Variants in DNAJC11 observed in about 807,000 individuals in gnomAD.
DNAJC11 encodes dnaJ homolog subfamily C member 11.
Under a neutral mutation model 78.6 loss-of-function variants are expected in DNAJC11, and 15 were observed. That is an observed-to-expected ratio of 0.19 (90% CI 0.13 to 0.29). The LOEUF is 0.29. Among genes scored for constraint, DNAJC11 ranks in the 10% least tolerant of loss-of-function variants. The pLI, the probability that DNAJC11 is intolerant of heterozygous loss-of-function variation, is 1.00. For missense variants in DNAJC11, 547 were observed against 709.6 expected (o/e 0.77, Z 2.60); for synonymous variants, 292 against 272.1 (o/e 1.07, Z -0.72).
chr1:6,666,385 C>CTTTTTTTTTTTTTTTTTTTTTTTT (rs767579276), intron 4 of DNAJC11, among the ~76,000 whole-genome samples: 1 of 120,608 alleles, frequency 8.3e-6, no homozygotes, highest in African/African-American at 3.1e-5. Context: ...TCTTTCTTTT[C>CTTTTTTTTTTTTTTTTTTTTTTTT]TTTTTTTTTT....
At position 6,662,596 on chromosome 1, in the gene DNAJC11, TACCAA is replaced by T. The variant is rs1557476890; in HGVS notation, c.378+5108_378+5112del. Among the ~76,000 whole-genome samples, 5 of 152,256 alleles carry T rather than the reference TACCAA, an allele frequency of 3.3e-5. No individual in the cohort carries two copies. The East Asian group carries it at 9.6e-4, about 29-fold the overall frequency. ...CTCTGTCGCTAGAGGGTTGTAAATGTACCAATCAGCACTCTGTAAAAACGCACCAA... is the reference window on the plus strand; with the variant it reads ...CTCTGTCGCTAGAGGGTTGTAAATGTTCAGCACTCTGTAAAAACGCACCAA... On this transcript the variant is annotated intron_variant, in intron 4 of 15. Coordinates refer to ENST00000377577, the MANE Select transcript of DNAJC11 (RefSeq NM_018198.4).
chr1:6,637,554 A>G, intron 12 of DNAJC11, 50 bp from the exon 13 acceptor site: 1 of 1,606,772 alleles, frequency 6.2e-7, no homozygotes, highest in Non-Finnish European at 8.5e-7. Flanking sequence ...GGCCTGTTCC[A>G]CCTCTGGTGA....
rs2272936 is a variant in DNAJC11 at position 6,635,917 on chromosome 1, C to T, written c.1654+200G>A. Among the ~76,000 whole-genome samples the T allele has an allele frequency of 2.3e-4, 35 of 152,344 alleles. No individual in the cohort carries two copies. The East Asian group carries it at 5.2e-3, about 23-fold the overall frequency. ...TTCCAACGCGCTCACTCTAATTCTA[C>T]CTGTGAAAGGGCCCCAGCCCCCCTT... On this transcript the variant is annotated intron_variant, in intron 15 of 15. Coordinates refer to ENST00000377577, the MANE Select transcript of DNAJC11 (RefSeq NM_018198.4).
intron 4 of DNAJC11, among the ~76,000 whole-genome samples, chr1:6,655,817 G>C (rs1229043781): frequency 6.8e-6 from 1 of 148,126 alleles, no homozygotes; most frequent in East Asian, 2.0e-4. Flanking sequence ...TCAAAAACAA[G>C]AACAGGCCGG....
chr1:6,648,048 A>G (rs1641994391), intron 7 of DNAJC11, among the ~76,000 whole-genome samples: 1 of 152,200 alleles, frequency 6.6e-6, no homozygotes, highest in South Asian at 2.1e-4. Context: ...AACGGCCAAA[A>G]GATTTTGCTT....
chr1:6,684,649 C>T (rs12126058), intron 1 of DNAJC11, among the ~76,000 whole-genome samples: 41,536 of 151,996 alleles, frequency 0.27, 6,325 homozygotes, highest in South Asian at 0.47. Flanking sequence ...TAGATTGGTC[C>T]TTTCATTAAA....
rs984387304 is a variant in DNAJC11, at chr1:6,701,543, G to A, written c.72+186C>T. ...GGCGGAGGCTGGCCCCGGAACCCCC[G>A]GCGGGAGGGTCTGGGCGGTGGGGAC... On this transcript the variant is annotated intron_variant, in intron 1 of 15. Coordinates refer to ENST00000377577, the MANE Select transcript of DNAJC11 (RefSeq NM_018198.4). Among the ~76,000 whole-genome samples, 50 of 152,122 alleles carry A rather than the reference G, an allele frequency of 3.3e-4. 1 individual carries two copies. The highest frequency in any genetic ancestry group is 1.2e-3 in the African/African-American group (48 of 41,442).
chr1:6,675,752 T>C (rs1174227940), intron 3 of DNAJC11, among the ~76,000 whole-genome samples: 1 of 152,086 alleles, frequency 6.6e-6, no homozygotes, highest in Non-Finnish European at 1.5e-5. Context: ...CCATTTTGCG[T>C]GTGGATTTGC....
rs749444041 is a variant in DNAJC11, at chr1:6,656,100, T to TA, written c.379-2062dup. On this transcript the variant is annotated intron_variant, in intron 4 of 15. Coordinates refer to ENST00000377577, the MANE Select transcript of DNAJC11 (RefSeq NM_018198.4). ...CTGGGCAACAGAACAAGACTCCGTC[T>TA]AAAAAAAAAAAAAAAAAAAAAATTA... 2.6e-3 allele frequency among the ~76,000 whole-genome samples: 230 copies of TA among 88,850 alleles called. 1 individual carries two copies. Among genetic ancestry groups the TA allele is most frequent in the African/African-American group, 3.9e-3 (91 of 23,458 alleles). 58.3% of individuals were successfully genotyped at this position (88,850 alleles called of 152,430 possible). A position where few individuals can be genotyped will look rare whatever the true frequency, so the allele number is the denominator to read the frequency against.
In DNAJC11 at chr1:6,701,751, G is replaced by A. The variant is rs1184039873; in HGVS notation, c.50C>T (p.Ser17Leu). Residue 17 changes from serine to leucine, a missense_variant, in exon 1 of 16, where the codon TCG becomes TTG. By Grantham distance (145) the Ser-to-Leu change is moderately radical. Transcript: ENST00000377577. ...EEELDNEDYY[S>L]LLNVRREASS... The stretch of plus-strand genomic sequence containing the variant: ...CACCTCCCTGCGCACGTTCAGCAAC[G>A]AGTAATAGTCTTCATTGTCCAGCTC... The A allele has an allele frequency of 1.9e-6, 3 of 1,566,476 alleles. No homozygotes were observed. The highest frequency in any genetic ancestry group is 2.6e-6 in the Non-Finnish European group (3 of 1,158,712).
chr1:6,645,782 G>A lies in DNAJC11; in HGVS notation c.894+7C>T, dbSNP rs767819429. On this transcript the variant is annotated splice_region_variant and intron_variant, in intron 8 of 15. Transcript: ENST00000377577. The surrounding 1 kb of genome is among the most constrained non-coding windows in gnomAD (Gnocchi z 4.1). ...TGTCTGCAGGAGATGATGGCTGCTC[G>A]GCTCACCTGCAGGGCCACAGTGAAG... is the stretch of plus-strand genomic sequence containing the variant. 1.7e-5 allele frequency: 28 copies of A among 1,612,754 alleles called. No homozygotes were observed. Among genetic ancestry groups the A allele is most frequent in the South Asian group, 2.2e-5 (2 of 91,026 alleles).
chr1:6,634,760 C>G lies in DNAJC11; in HGVS notation c.*915G>C. 4 of 1,337,220 alleles carry G rather than the reference C, an allele frequency of 3.0e-6. No individual in the cohort carries two copies. Among genetic ancestry groups the G allele is most frequent in the Non-Finnish European group, 4.0e-6 (4 of 1,006,478 alleles). 82.8% of individuals were successfully genotyped at this position (1,337,220 alleles called of 1,614,324 possible). On this transcript the variant is annotated 3_prime_UTR_variant, in exon 16 of 16. Coordinates refer to ENST00000377577, the MANE Select transcript of DNAJC11 (RefSeq NM_018198.4). ...TGTTCCTGTGAGGACGCTGGACCTG[C>G]AGGAGCGGGGAGCTGCAGTGCCACC... is the stretch of plus-strand genomic sequence containing the variant.
chr1:6,641,474 TAGTA>T (rs140703234), intron 10 of DNAJC11, among the ~76,000 whole-genome samples: 47,576 of 145,762 alleles, frequency 0.33, 7,996 homozygotes, highest in South Asian at 0.48. Flanking sequence ...AAAAAATAAA[TAGTA>T]AGCATAAGAA....
In DNAJC11 at chr1:6,644,320, G is replaced by T. The variant is rs550009565; in HGVS notation, c.1097+238C>A. 2.6e-5 allele frequency among the ~76,000 whole-genome samples: 4 copies of T among 152,296 alleles called. No individual in the cohort carries two copies. The East Asian group carries it at 5.8e-4, about 22-fold the overall frequency. Reference sequence around the variant, plus strand: ...GGCTAATTTTTGTATTTTCAGTAGAGATGGGGTTTCACCACGTTGGCCAGG... The same window carrying T: ...GGCTAATTTTTGTATTTTCAGTAGATATGGGGTTTCACCACGTTGGCCAGG... On this transcript the variant is annotated intron_variant, in intron 10 of 15. Coordinates refer to ENST00000377577, the MANE Select transcript of DNAJC11 (RefSeq NM_018198.4).
At position 6,636,142 on chromosome 1, in the gene DNAJC11, A is replaced by G. The variant is rs1641763417; in HGVS notation, c.1629T>C (p.Ser543=). Residue 543 remains serine (S), a synonymous_variant, in exon 15 of 16, where the codon AGT becomes AGC. Transcript: ENST00000377577. The stretch of plus-strand genomic sequence containing the variant: ...ACTGCTTTGGTATCCGGAGGGCCTC[A>G]CTGTCCAGCACCATCACCTGATGCA... ...GVLHQVMVLD[S]EALRIPKQSH... is the part of the protein sequence containing the mutation. 6.2e-7 allele frequency: 1 copy of G among 1,614,076 alleles called. No homozygotes were observed. Among genetic ancestry groups the G allele is most frequent in the Non-Finnish European group, 8.5e-7 (1 of 1,180,006 alleles).
intron 10 of DNAJC11, 84 bp from the exon 11 acceptor site, chr1:6,640,141 G>A (rs1295784637): frequency 6.9e-7 from 1 of 1,453,042 alleles, no homozygotes; most frequent in Non-Finnish European, 9.1e-7. Context: ...TCAGGCACAG[G>A]AAGAGAACTT....
Position 6,665,794 on chromosome 1 carries a change from A to G in DNAJC11, c.378+1915T>C, listed in dbSNP as rs1343606437. ...CCCTTTCACTGCTCCTAACACAGCA[A>G]ACCTCCAGCCAGAACATCAAAAACA... On this transcript the variant is annotated intron_variant, in intron 4 of 15. Transcript: ENST00000377577. Among the ~76,000 whole-genome samples, 9 of 152,270 alleles carry G rather than the reference A, an allele frequency of 5.9e-5. No homozygotes were observed. In the East Asian group the frequency reaches 1.7e-3, roughly 29 times the overall value.
chr1:6,644,811 G>A, intron 9 of DNAJC11, 137 bp from the exon 10 acceptor site: 1 of 827,620 alleles, frequency 1.2e-6, no homozygotes, highest in South Asian at 1.6e-5. Flanking sequence ...ATTCATGACA[G>A]AAGAAAGTTG....
intron 9 of DNAJC11, 51 bp downstream of exon 9, chr1:6,644,990 G>A: frequency 6.5e-7 from 1 of 1,530,842 alleles, no homozygotes; most frequent in East Asian, 2.3e-5. Flanking sequence ...CCACTGTGAA[G>A]ACCCGCATGC....
Sources: allele counts gnomAD v4.1 joint callset (sites outside exome capture counted in the v4.1 genomes callset), GRCh38; gene constraint gnomAD v4.1.1; non-coding constraint Gnocchi (gnomAD v3.1); transcripts MANE v1.5; gene names NCBI Gene and HGNC (gene_info 2026-07-23, HGNC 2026-07-21).